ARID1B: variants seen among roughly 807,000 people sequenced by gnomAD.
ARID1B encodes AT-rich interaction domain 1B.
A neutral mutation model predicts 212.3 loss-of-function variants in ARID1B; 30 were observed. The ratio of observed to expected loss-of-function variants is 0.14; its 90% CI spans 0.11 to 0.19. The LOEUF is 0.19. Ranked by LOEUF, ARID1B falls within the 10% of genes least tolerant of loss-of-function variation. ARID1B has a pLI of 1.00. For synonymous variants in ARID1B, 1,402 were observed against 1,301.7 expected, an observed-to-expected ratio of 1.08 and a Z score of -1.66; for missense variants, 2,891 against 3,204.0, an observed-to-expected ratio of 0.90 and a Z score of 2.36.
chr6:157,039,882 T>TTTCCCTTCCTTCCTTCCTTCCTTC (rs1554287391), intron 4 of ARID1B, among the ~76,000 whole-genome samples: 10 of 67,224 alleles, frequency 1.5e-4, no homozygotes, highest in Non-Finnish European at 2.5e-4. Context: ...CTTTCTTTTC[T>TTTCCCTTCCTTCCTTCCTTCCTTC]CTTCCTTCCT....
At chr6:156,894,600 TTGA>T (rs1788238683) in intron 2 of ARID1B, among the ~76,000 whole-genome samples, 1 of 152,236 alleles carries the variant, frequency 6.6e-6, no homozygotes, top group African/African-American at 2.4e-5. Context: ...TTCACCACAC[TTGA>T]ATACGTCTCT....
intron 2 of ARID1B, among the ~76,000 whole-genome samples, chr6:156,875,785 A>G (rs10046109): frequency 0.11 from 17,483 of 152,218 alleles, 1,198 homozygotes; most frequent in East Asian, 0.3. Context: ...CTGTTGTTTA[A>G]TATTATAGAG....
chr6:157,086,178 C>G (rs1583282648), intron 5 of ARID1B, among the ~76,000 whole-genome samples: 1 of 152,278 alleles, frequency 6.6e-6, no homozygotes, highest in South Asian at 2.1e-4. Context: ...TATGGTCAAC[C>G]CACTTGTAGT....
intron 4 of ARID1B, among the ~76,000 whole-genome samples, chr6:156,969,934 A>C (rs1399952241): frequency 2.7e-5 from 4 of 149,170 alleles, no homozygotes; most frequent in African/African-American, 9.9e-5. Context: ...CAGGTAAACC[A>C]GCACTAGATT....
intron 8 of ARID1B, among the ~76,000 whole-genome samples, chr6:157,153,684 G>T (rs1453016399): frequency 1.3e-5 from 2 of 152,168 alleles, no homozygotes; most frequent in African/African-American, 4.8e-5. Context: ...TGGATCCCAG[G>T]CTAAACACAG....
chr6:157,149,131 C>G (rs1790017166), intron 8 of ARID1B, 180 bp downstream of exon 8: 1 of 646,090 alleles, frequency 1.5e-6, no homozygotes, highest in South Asian at 2.0e-5. Context: ...AACTAAGTGA[C>G]AAACCATGTT....
intron 5 of ARID1B, among the ~76,000 whole-genome samples, chr6:157,097,873 T>G (rs1449894051): frequency 6.6e-6 from 1 of 152,186 alleles, no homozygotes; most frequent in Non-Finnish European, 1.5e-5. Flanking sequence ...CTGTGGTTAG[T>G]TATTAGCAGA....
chr6:157,124,960 A>G (rs532956020), intron 6 of ARID1B, among the ~76,000 whole-genome samples: 18 of 152,272 alleles, frequency 1.2e-4, no homozygotes, highest in African/African-American at 4.1e-4. Flanking sequence ...GAACCTGAGA[A>G]TGCAGATTTG....
chr6:157,200,638 A>T lies in ARID1B; in HGVS notation c.4480-67A>T. The T allele has an allele frequency of 1.3e-6, 2 of 1,505,278 alleles. No individual in the cohort carries two copies. The highest frequency in any genetic ancestry group is 2.7e-5 in the South Asian group (2 of 75,178). The allele number at this position is 1,505,278 out of a possible 1,614,324, so 93.2% of individuals were successfully genotyped here. A position where few individuals can be genotyped will look rare whatever the true frequency, so the allele number is the denominator to read the frequency against. ...TTCTAGCAGGTAATAACTATTTTGC[A>T]TAATTTCAGTGTGTGATTATACCTG... is the stretch of plus-strand genomic sequence containing the variant. On this transcript the variant is annotated intron_variant, in intron 17 of 19. Coordinates refer to ENST00000636930, the MANE Select transcript of ARID1B (RefSeq NM_001374828.1). The surrounding 1 kb of genome is among the most constrained non-coding windows in gnomAD (Gnocchi z 4.3).
intron 8 of ARID1B, among the ~76,000 whole-genome samples, chr6:157,157,125 G>C (rs2883874): frequency 0.035 from 5,370 of 152,070 alleles, 322 homozygotes; most frequent in African/African-American, 0.12. Context: ...CCCCTCTCCG[G>C]GTCTGGGTCT....
intron 6 of ARID1B, among the ~76,000 whole-genome samples, chr6:157,112,053 G>A (rs945077196): frequency 6.6e-6 from 1 of 152,116 alleles, no homozygotes. Flanking sequence ...TTTTTGAGGT[G>A]GGAGAATCAC....
intron 1 of ARID1B, among the ~76,000 whole-genome samples, chr6:156,796,561 ATCAT>A (rs1343297825): frequency 1.3e-5 from 2 of 152,228 alleles, no homozygotes. Context: ...GTAGTAATGT[ATCAT>A]TCATCTAGTG....
chr6:156,919,499 G>A lies in ARID1B; in HGVS notation c.2137-15967G>A, dbSNP rs538705509. Among the ~76,000 whole-genome samples, 6 of 152,280 alleles carry A rather than the reference G, an allele frequency of 3.9e-5. No homozygotes were observed. The South Asian group carries it at 1.0e-3, about 26-fold the overall frequency. On this transcript the variant is annotated intron_variant, in intron 3 of 19. Coordinates refer to ENST00000636930, the MANE Select transcript of ARID1B (RefSeq NM_001374828.1). ...TGGAAGGCTCCTCCTGAGAAGAGTA[G>A]CCAGGAAGCCAGGCAGGCCTGGAGT...
intron 3 of ARID1B, among the ~76,000 whole-genome samples, chr6:156,905,813 A>G (rs1789328613): frequency 6.6e-6 from 1 of 152,022 alleles, no homozygotes; most frequent in South Asian, 2.1e-4. Context: ...TTTTTCCTAT[A>G]AACTTTTTCT....
chr6:157,098,015 C>G (rs892714815), intron 5 of ARID1B, among the ~76,000 whole-genome samples: 1 of 152,184 alleles, frequency 6.6e-6, no homozygotes, highest in East Asian at 1.9e-4. Context: ...ACAAGTCTTT[C>G]ATCTGTCACT....
At chr6:156,860,727 A>T (rs1785269585) in intron 2 of ARID1B, among the ~76,000 whole-genome samples, 1 of 152,202 alleles carries the variant, frequency 6.6e-6, no homozygotes. Context: ...CCCACAAAAG[A>T]TTATTTCATT....
intron 4 of ARID1B, among the ~76,000 whole-genome samples, chr6:156,948,910 T>A (rs138576967): frequency 0.014 from 2,178 of 152,378 alleles, 199 homozygotes; most frequent in Admixed American, 0.13. Context: ...ATTCATACTT[T>A]CAGCACATAT....
intron 1 of ARID1B, among the ~76,000 whole-genome samples, chr6:156,799,571 G>A (rs1780635291): frequency 6.6e-6 from 1 of 152,186 alleles, no homozygotes; most frequent in South Asian, 2.1e-4. Context: ...CAGCTTCCCA[G>A]GTTCAAGCGA....
intron 2 of ARID1B, among the ~76,000 whole-genome samples, chr6:156,877,728 GAGAC>G (rs1786676356): frequency 6.8e-6 from 1 of 147,036 alleles, no homozygotes; most frequent in Non-Finnish European, 1.5e-5. Flanking sequence ...TTTTTTAAGT[GAGAC>G]AGAGTCTCGC....
Sources: gnomAD v4.1 joint callset for allele counts (sites outside exome capture counted in the v4.1 genomes callset) on GRCh38, gnomAD v4.1.1 for gene constraint, Gnocchi (gnomAD v3.1) non-coding constraint, MANE v1.5 for transcripts, NCBI Gene and HGNC (gene_info 2026-07-23, HGNC 2026-07-21) for gene names.